Variants in SLCO5A1 observed in about 807,000 individuals in gnomAD.
SLCO5A1 encodes the protein organic anion transporter polypeptide-related protein 4.
A neutral mutation model predicts 65.1 loss-of-function variants in SLCO5A1; 39 were observed. That is an observed-to-expected ratio of 0.60 (90% CI 0.46 to 0.78). The LOEUF (loss-of-function observed/expected upper bound fraction) is 0.78. Ranked by LOEUF, SLCO5A1 falls within the 30% of genes least tolerant of loss-of-function variation. The pLI is 0.00. For synonymous variants in SLCO5A1, 438 were observed against 415.7 expected (o/e 1.05, Z -0.65); for missense variants, 1,029 against 1,069.4 (o/e 0.96, Z 0.53).
At chr8:69,706,204 G>A (rs1046061287) in intron 5 of SLCO5A1, among the ~76,000 whole-genome samples, 5 of 152,202 alleles carry the variant, frequency 3.3e-5, no homozygotes, top group African/African-American at 7.2e-5. Context: ...ACATCACTAC[G>A]TTGGTATGAA....
intron 2 of SLCO5A1, among the ~76,000 whole-genome samples, chr8:69,792,733 C>A (rs1010202343): frequency 6.6e-6 from 1 of 151,896 alleles, no homozygotes; most frequent in African/African-American, 2.4e-5. Context: ...CTGGTCTCAA[C>A]AATAGGTGGC....
In SLCO5A1 at chr8:69,733,897, G is replaced by A. The variant is rs147648891; in HGVS notation, c.1423+4143C>T. 3.1e-3 allele frequency among the ~76,000 whole-genome samples: 469 copies of A among 152,246 alleles called. 3 individuals are homozygous for A. The highest frequency in any genetic ancestry group is 0.011 in the African/African-American group (437 of 41,546). On this transcript the variant is annotated intron_variant, in intron 5 of 9. Coordinates refer to ENST00000260126, the MANE Select transcript of SLCO5A1 (RefSeq NM_030958.3). The stretch of plus-strand genomic sequence containing the variant: ...TGAGAACAGACTAATACAAGGGGTC[G>A]TCCCATCATTTCAGGCTTCTCCAAA...
intron 2 of SLCO5A1, among the ~76,000 whole-genome samples, chr8:69,765,194 G>A (rs986045042): frequency 6.6e-6 from 1 of 151,808 alleles, no homozygotes; most frequent in African/African-American, 2.4e-5. Context: ...GTGTGCCTGT[G>A]TGTATACAGA....
chr8:69,682,436 A>G (rs1813825299), intron 6 of SLCO5A1, 93 bp from the exon 7 acceptor site: 1 of 1,256,370 alleles, frequency 8.0e-7, no homozygotes, highest in South Asian at 2.1e-5. Context: ...CATTTTAGAG[A>G]AAATATTCTT....
chr8:69,681,799 G>T (rs186409200), intron 7 of SLCO5A1, among the ~76,000 whole-genome samples: 1 of 152,108 alleles, frequency 6.6e-6, no homozygotes, highest in Non-Finnish European at 1.5e-5. Flanking sequence ...CCAGTCAGGG[G>T]AGGTGCTTTC....
intron 4 of SLCO5A1, among the ~76,000 whole-genome samples, chr8:69,748,777 G>A (rs142963409): frequency 6.6e-6 from 1 of 152,148 alleles, no homozygotes; most frequent in Non-Finnish European, 1.5e-5. Context: ...TATCATCTGG[G>A]AAATTGTTAA....
Position 69,672,967 on chromosome 8 carries a change from C to G in SLCO5A1, c.2449G>C (p.Ala817Pro). Residue 817 changes from alanine (A) to proline (P), a missense_variant, in exon 10 of 10, where the codon GCA (alanine) becomes CCA (proline). Transcript: ENST00000260126. ...ETGLQKGIQC[A>P]AQTYPGPFPE... is the part of the protein sequence containing the mutation. ...AAGGGCCCCGGGTAGGTCTGTGCTG[C>G]GCACTGGATCCCTTTTTGCAGGCCA... 2 of 1,614,184 alleles carry G rather than the reference C, an allele frequency of 1.2e-6. No homozygotes were observed. The highest frequency in any genetic ancestry group is 8.5e-7 in the Non-Finnish European group (1 of 1,180,042).
chr8:69,692,060 A>G (rs1814285151), intron 6 of SLCO5A1, among the ~76,000 whole-genome samples: 1 of 152,196 alleles, frequency 6.6e-6, no homozygotes, highest in South Asian at 2.1e-4. Context: ...CATCCTGGCT[A>G]ACACAGTGAA....
chr8:69,828,273 TTTTA>T (rs751413964), intron 2 of SLCO5A1, among the ~76,000 whole-genome samples: 289 of 131,970 alleles, frequency 2.2e-3, no homozygotes, highest in African/African-American at 6.8e-3. Context: ...TTTTTTTTTT[TTTTA>T]AAAAAAAAGC....
At position 69,671,545 on chromosome 8, in the gene SLCO5A1, T is replaced by G. The variant is rs1478648889; in HGVS notation, c.*1324A>C. The G allele has an allele frequency of 6.6e-6, 1 of 152,162 alleles. No homozygotes were observed. The highest frequency in any genetic ancestry group is 1.5e-5 in the Non-Finnish European group (1 of 68,032). The allele number at this position is 152,162 out of a possible 1,614,324, so 9.4% of individuals were successfully genotyped here. A position where few individuals can be genotyped will look rare whatever the true frequency, so the allele number is the denominator to read the frequency against. On this transcript the variant is annotated 3_prime_UTR_variant, in exon 10 of 10. Coordinates refer to ENST00000260126, the MANE Select transcript of SLCO5A1 (RefSeq NM_030958.3). ...ATGTAGAAAGCATTCTCTATGATGC[T>G]TACTTCAAAGTGATGTGCTGGGAGG...
chr8:69,761,177 C>T lies in SLCO5A1; in HGVS notation c.1040+566G>A, dbSNP rs562410549. Among the ~76,000 whole-genome samples the T allele has an allele frequency of 1.4e-4, 22 of 152,226 alleles. 1 individual carries two copies. The South Asian group carries it at 4.6e-3, about 32-fold the overall frequency. On this transcript the variant is annotated intron_variant, in intron 3 of 9. Coordinates refer to ENST00000260126, the MANE Select transcript of SLCO5A1 (RefSeq NM_030958.3). ...AAAGAATGTGGATTAAGCCAGTGTC[C>T]CCAAACCCTCTGTATAAGCTCTCTG...
chr8:69,743,498 G>A (rs944350949), intron 4 of SLCO5A1, among the ~76,000 whole-genome samples: 1 of 152,104 alleles, frequency 6.6e-6, no homozygotes, highest in Non-Finnish European at 1.5e-5. Context: ...ACTACAAAAG[G>A]TCTTTATTTG....
chr8:69,793,777 C>CTAAATAAATAAA (rs71556785), intron 2 of SLCO5A1, among the ~76,000 whole-genome samples: 1 of 141,798 alleles, frequency 7.1e-6, no homozygotes, highest in Non-Finnish European at 1.5e-5. Context: ...GACTCTGTCT[C>CTAAATAAATAAA]TAAATAAATA....
rs530023279 is a variant in SLCO5A1 at position 69,797,623 on chromosome 8, T to TGGG, written c.907+34143_907+34144insCCC. Among the ~76,000 whole-genome samples the TGGG allele has an allele frequency of 7.2e-3, 1,099 of 152,118 alleles. 8 individuals carry two copies. Among genetic ancestry groups the TGGG allele is most frequent in the African/African-American group, 0.025 (1,048 of 41,348 alleles). ...GCAGGCCTCTAAAATGGCCACTTCG[T>TGGG]GGCGGGGGGTGGCCGTCTTTTATGG... On this transcript the variant is annotated intron_variant, in intron 2 of 9. Coordinates refer to ENST00000260126, the MANE Select transcript of SLCO5A1 (RefSeq NM_030958.3).
Position 69,672,654 on chromosome 8 carries a change from A to G in SLCO5A1, c.*215T>C. ...CGGAAATGGGAACAAATCTAGCTGA[A>G]CGTCTCCTTCTTGGAGAGAAGCGGG... On this transcript the variant is annotated 3_prime_UTR_variant, in exon 10 of 10. Transcript: ENST00000260126. The G allele has an allele frequency of 1.7e-6, 1 of 576,842 alleles. No individual in the cohort carries two copies. The highest frequency in any genetic ancestry group is 3.1e-5 in the Admixed American group (1 of 31,886). The allele number at this position is 576,842 out of a possible 1,614,324, so 35.7% of individuals were successfully genotyped here.
At chr8:69,790,310 C>T (rs1024163237) in intron 2 of SLCO5A1, among the ~76,000 whole-genome samples, 1 of 151,788 alleles carries the variant, frequency 6.6e-6, no homozygotes, top group African/African-American at 2.4e-5. Context: ...CATGCCTGTA[C>T]CAAAGCATCT....
At chr8:69,683,111 G>A (rs1471847451) in intron 6 of SLCO5A1, among the ~76,000 whole-genome samples, 1 of 152,136 alleles carries the variant, frequency 6.6e-6, no homozygotes, top group Non-Finnish European at 1.5e-5. Context: ...TAGAGGGAAG[G>A]AAAGGCAGGT....
chr8:69,712,085 T>G (rs906673060), intron 5 of SLCO5A1, among the ~76,000 whole-genome samples: 3 of 152,218 alleles, frequency 2.0e-5, no homozygotes, highest in Non-Finnish European at 2.9e-5. Context: ...CACATAAAAC[T>G]CTTAGATATT....
chr8:69,738,974 G>A (rs1200184541), intron 4 of SLCO5A1, among the ~76,000 whole-genome samples: 2 of 152,160 alleles, frequency 1.3e-5, no homozygotes, highest in Non-Finnish European at 2.9e-5. Flanking sequence ...CAAAAATGTA[G>A]GAGGGGGGAA....
Sources: gnomAD v4.1 joint callset for allele counts (sites outside exome capture counted in the v4.1 genomes callset) on GRCh38, gnomAD v4.1.1 for gene constraint, MANE v1.5 for transcripts, NCBI Gene and HGNC (gene_info 2026-07-23, HGNC 2026-07-21) for gene names.